Variants in ERP44 observed in about 807,000 individuals in gnomAD.
The protein encoded by ERP44 is endoplasmic reticulum protein 44.
A neutral mutation model predicts 53.4 loss-of-function variants in ERP44; 25 were observed. That is an observed-to-expected ratio of 0.47 (90% CI 0.34 to 0.65). The LOEUF is 0.65. Among genes scored for constraint, ERP44 ranks in the 30% least tolerant of loss-of-function variants. ERP44 has a pLI of 0.01. For missense variants in ERP44, 338 were observed against 493.2 expected (o/e 0.69, Z 2.98); for synonymous variants, 145 against 161.2 (o/e 0.90, Z 0.76).
intron 10 of ERP44, chr9:99,998,305 T>C: frequency 2.2e-6 from 1 of 454,976 alleles, no homozygotes; most frequent in Non-Finnish European, 4.1e-6. Flanking sequence ...AGTGACTCAT[T>C]CTGCCTCTTC....
intron 4 of ERP44, among the ~76,000 whole-genome samples, chr9:100,033,801 T>G (rs752382987): frequency 2.4e-4 from 37 of 152,144 alleles, no homozygotes; most frequent in Non-Finnish European, 4.4e-4. Context: ...TTATTAGAAC[T>G]CAGAGTTATG....
rs1218983551 is a variant in ERP44, at chr9:100,018,271, G to A, written c.630C>T (p.Ile210=). The A allele has an allele frequency of 1.2e-6, 2 of 1,603,472 alleles. No individual in the cohort carries two copies. Among genetic ancestry groups the A allele is most frequent in the Non-Finnish European group, 1.7e-6 (2 of 1,170,508 alleles). ...KPERYSGDNI[I]YKPPGHSAPD... ...AGCAACTTACCCCTGGTGGTTTGTAGATTATGTTGTCGCCACTATATCTTT... is the reference window on the plus strand; with the variant it reads ...AGCAACTTACCCCTGGTGGTTTGTAAATTATGTTGTCGCCACTATATCTTT... Residue 210 remains isoleucine, a synonymous_variant, in exon 7 of 12, where the codon ATC becomes ATT. Coordinates refer to ENST00000262455, the MANE Select transcript of ERP44 (RefSeq NM_015051.3).
At chr9:99,996,433 A>C (rs1427905075) in intron 10 of ERP44, among the ~76,000 whole-genome samples, 1 of 152,182 alleles carries the variant, frequency 6.6e-6, no homozygotes, top group Non-Finnish European at 1.5e-5. Flanking sequence ...TGCTTCTTGT[A>C]CAGCCTGTAG....
chr9:100,085,530 A>C (rs1304664396), intron 1 of ERP44, among the ~76,000 whole-genome samples: 1 of 152,214 alleles, frequency 6.6e-6, no homozygotes, highest in Non-Finnish European at 1.5e-5. Flanking sequence ...ATTCCAGACC[A>C]CAGAACTATG....
At chr9:100,003,344 G>A (rs143505046) in intron 10 of ERP44, among the ~76,000 whole-genome samples, 1 of 152,340 alleles carries the variant, frequency 6.6e-6, no homozygotes, top group East Asian at 1.9e-4. Flanking sequence ...TTTTGGTGAT[G>A]TTACGTTTAT....
At chr9:100,009,954 TCCAAGAGCA>T (rs1830456574) in intron 8 of ERP44, among the ~76,000 whole-genome samples, 1 of 47,606 alleles carries the variant, frequency 2.1e-5, no homozygotes, top group Non-Finnish European at 4.9e-5. Flanking sequence ...TTTTCTAAAC[TCCAAGAGCA>T]TTTTATCAAT....
At chr9:100,001,224 ATCT>A (rs996498109) in intron 10 of ERP44, among the ~76,000 whole-genome samples, 2 of 152,184 alleles carry the variant, frequency 1.3e-5, no homozygotes, top group African/African-American at 2.4e-5. Context: ...TACAATTTTA[ATCT>A]TCTTAAATTT....
Position 99,982,295 on chromosome 9 carries a change from T to TA in ERP44, c.*316dup. On this transcript the variant is annotated 3_prime_UTR_variant, in exon 12 of 12. Coordinates refer to ENST00000262455, the MANE Select transcript of ERP44 (RefSeq NM_015051.3). The stretch of plus-strand genomic sequence containing the variant: ...AAACATCCCTAAGTCCTCCCTACCC[T>TA]AGTAGTGCAAGTTAATGGTAAGTTT... The TA allele has an allele frequency of 6.2e-6, 1 of 161,134 alleles. No homozygotes were observed. The highest frequency in any genetic ancestry group is 1.7e-4 in the East Asian group (1 of 5,748). The allele number at this position is 161,134 out of a possible 1,614,324, so 10.0% of individuals were successfully genotyped here. A position where few individuals can be genotyped will look rare whatever the true frequency, so the allele number is the denominator to read the frequency against.
intron 4 of ERP44, among the ~76,000 whole-genome samples, chr9:100,043,133 C>G (rs1410751226): frequency 6.6e-6 from 1 of 151,260 alleles, no homozygotes; most frequent in Non-Finnish European, 1.5e-5. Flanking sequence ...GTGGCGGGCA[C>G]CTGTAGTCCC....
At chr9:100,090,268 G>A (rs1357627533) in intron 1 of ERP44, among the ~76,000 whole-genome samples, 1 of 152,152 alleles carries the variant, frequency 6.6e-6, no homozygotes, top group Admixed American at 6.6e-5. Context: ...TACTGTACTT[G>A]GGCCAGAACT....
At chr9:100,017,306 A>G (rs190963729) in intron 7 of ERP44, among the ~76,000 whole-genome samples, 3 of 152,370 alleles carry the variant, frequency 2.0e-5, no homozygotes, top group Admixed American at 2.0e-4. Flanking sequence ...ACTAATTAAG[A>G]AACTGAAGCG....
chr9:100,029,355 C>T (rs914392767), intron 4 of ERP44, among the ~76,000 whole-genome samples: 1 of 152,106 alleles, frequency 6.6e-6, no homozygotes, highest in African/African-American at 2.4e-5. Flanking sequence ...TTAAAAAGGA[C>T]ATGGCATCTC....
intron 1 of ERP44, among the ~76,000 whole-genome samples, chr9:100,064,902 G>A (rs1390721758): frequency 2.0e-5 from 3 of 152,180 alleles, no homozygotes; most frequent in Non-Finnish European, 2.9e-5. Context: ...GCTATGTAAC[G>A]TGTTGGTATT....
At chr9:100,007,398 A>G (rs908136621) in intron 9 of ERP44, among the ~76,000 whole-genome samples, 180 bp downstream of exon 9, 2 of 152,222 alleles carry the variant, frequency 1.3e-5, no homozygotes, top group African/African-American at 4.8e-5. Flanking sequence ...AAACAAAAAA[A>G]CACTACCTCA....
chr9:100,072,535 C>T (rs1464529545), intron 1 of ERP44, among the ~76,000 whole-genome samples: 1 of 152,042 alleles, frequency 6.6e-6, no homozygotes, highest in Non-Finnish European at 1.5e-5. Flanking sequence ...CTCTTTTCTT[C>T]TTTTGAGATA....
At chr9:100,083,875 T>C (rs904347228) in intron 1 of ERP44, among the ~76,000 whole-genome samples, 4 of 152,146 alleles carry the variant, frequency 2.6e-5, no homozygotes, top group African/African-American at 7.2e-5. Flanking sequence ...AGCTCTAAGA[T>C]AGTACATTAG....
chr9:100,016,595 G>A (rs1244016396), intron 7 of ERP44, among the ~76,000 whole-genome samples, 157 bp from the exon 8 acceptor site: 1 of 152,102 alleles, frequency 6.6e-6, no homozygotes, highest in African/African-American at 2.4e-5. Flanking sequence ...TTGACCTCCT[G>A]GGCTCAAGCA....
chr9:100,008,675 C>T (rs953634598), intron 8 of ERP44, among the ~76,000 whole-genome samples: 1 of 152,168 alleles, frequency 6.6e-6, no homozygotes, highest in African/African-American at 2.4e-5. Flanking sequence ...CATATTTAAG[C>T]CTATTTCACT....
intron 11 of ERP44, among the ~76,000 whole-genome samples, chr9:99,983,958 C>A (rs565999552): frequency 2.6e-5 from 4 of 152,126 alleles, no homozygotes; most frequent in Non-Finnish European, 5.9e-5. Context: ...AATACAATAA[C>A]GGTAAATGAC....
Sources: gnomAD v4.1 joint callset for allele counts (sites outside exome capture counted in the v4.1 genomes callset) on GRCh38, gnomAD v4.1.1 for gene constraint, MANE v1.5 for transcripts, NCBI Gene and HGNC (gene_info 2026-07-23, HGNC 2026-07-21) for gene names.